Variants in ZNRF2 observed in about 807,000 individuals in gnomAD.
The protein encoded by ZNRF2 is E3 ubiquitin-protein ligase ZNRF2.
ZNRF2 carries 16 observed loss-of-function variants against 20.4 expected under a neutral mutation model. The ratio of observed to expected loss-of-function variants is 0.79; its 90% CI spans 0.53 to 1.19. ZNRF2 has a LOEUF of 1.19. Ranked by LOEUF, ZNRF2 falls within the 50% of genes most tolerant of loss-of-function variation. The pLI, the probability that ZNRF2 is intolerant of heterozygous loss-of-function variation, is 0.00. For synonymous variants in ZNRF2, 178 were observed against 144.9 expected (o/e 1.23, Z -1.64); for missense variants, 363 against 332.4 (o/e 1.09, Z -0.72).
In ZNRF2 at chr7:30,285,636, G is replaced by T; in HGVS notation, c.279G>T (p.Gly93=). ...GGGCCGTGGGGAGCGTGGCGTCGGG[G>T]GCCCGCGCGGCGCAGTCCCCCTTCA... The part of the protein sequence containing the change: ...LGGAVGSVAS[G]ARAAQSPFSI... Residue 93 remains glycine (G), a synonymous_variant, in exon 1 of 5, where the codon GGG becomes GGT. Transcript: ENST00000323037. The T allele has an allele frequency of 7.9e-7, 1 of 1,269,322 alleles. No individual in the cohort carries two copies. Among genetic ancestry groups the T allele is most frequent in the Non-Finnish European group, 9.9e-7 (1 of 1,011,274 alleles). The allele number at this position is 1,269,322 out of a possible 1,614,324, so 78.6% of individuals were successfully genotyped here. A position where few individuals can be genotyped will look rare whatever the true frequency, so the allele number is the denominator to read the frequency against.
At chr7:30,320,853 ATTT>A (rs898831995) in intron 1 of ZNRF2, among the ~76,000 whole-genome samples, 1 of 151,838 alleles carries the variant, frequency 6.6e-6, no homozygotes, top group African/African-American at 2.4e-5. Flanking sequence ...ACCATGATAC[ATTT>A]TTTTTCTTTT....
At chr7:30,343,378 C>G (rs527418553) in intron 2 of ZNRF2, among the ~76,000 whole-genome samples, 12 of 152,026 alleles carry the variant, frequency 7.9e-5, no homozygotes, top group African/African-American at 2.9e-4. Flanking sequence ...GACAGAGACC[C>G]TGTTTCAAAA....
chr7:30,347,309 A>G (rs776447728), intron 2 of ZNRF2, among the ~76,000 whole-genome samples: 3 of 152,170 alleles, frequency 2.0e-5, no homozygotes, highest in Non-Finnish European at 4.4e-5. Context: ...CACACGAAGA[A>G]TTTTTGTTTG....
At chr7:30,327,096 G>C (rs1328113591) in intron 2 of ZNRF2, among the ~76,000 whole-genome samples, 1 of 152,060 alleles carries the variant, frequency 6.6e-6, no homozygotes, top group African/African-American at 2.4e-5. Context: ...TGTTCACTTT[G>C]TTGATAGTTT....
intron 1 of ZNRF2, among the ~76,000 whole-genome samples, chr7:30,314,629 G>A (rs1799340027): frequency 6.6e-6 from 1 of 152,100 alleles, no homozygotes; most frequent in Non-Finnish European, 1.5e-5. Context: ...TTATTTTTAA[G>A]AGTGTGAATA....
chr7:30,357,588 G>T (rs1800060819), intron 3 of ZNRF2, among the ~76,000 whole-genome samples: 1 of 152,092 alleles, frequency 6.6e-6, no homozygotes, highest in Non-Finnish European at 1.5e-5. Flanking sequence ...AAAAAATAGT[G>T]AAGATCAGAG....
Position 30,323,632 on chromosome 7 carries a change from T to G in ZNRF2, c.470-10T>G, listed in dbSNP as rs759124073. On this transcript the variant is annotated splice_polypyrimidine_tract_variant and intron_variant, in intron 1 of 4. Transcript: ENST00000323037. ...ATAGTTAAGTAACTTGAGTTTCTTTTGTTTTTTAGGATTTAAGTGCCCTGT... is the reference window on the plus strand; with the variant it reads ...ATAGTTAAGTAACTTGAGTTTCTTTGGTTTTTTAGGATTTAAGTGCCCTGT... 1.3e-6 allele frequency: 2 copies of G among 1,557,214 alleles called. No homozygotes were observed. Among genetic ancestry groups the G allele is most frequent in the East Asian group, 4.6e-5 (2 of 43,902 alleles).
chr7:30,360,507 G>A (rs1800109794), intron 3 of ZNRF2, among the ~76,000 whole-genome samples: 1 of 151,548 alleles, frequency 6.6e-6, no homozygotes, highest in Non-Finnish European at 1.5e-5. Flanking sequence ...GACCAACATG[G>A]TGAAACCTTG....
intron 2 of ZNRF2, among the ~76,000 whole-genome samples, chr7:30,333,017 T>C (rs1453290278): frequency 1.3e-5 from 2 of 152,132 alleles, no homozygotes; most frequent in East Asian, 1.9e-4. Context: ...AGTGTTGCCT[T>C]TGCTCCATAT....
intron 2 of ZNRF2, among the ~76,000 whole-genome samples, chr7:30,335,623 A>G (rs145282100): frequency 0.03 from 4,592 of 152,158 alleles, 171 homozygotes; most frequent in African/African-American, 0.09. Context: ...TCTTGAAAGG[A>G]TGAAGAAGAT....
intron 1 of ZNRF2, among the ~76,000 whole-genome samples, chr7:30,288,187 TACTTA>T (rs1223861402): frequency 6.6e-6 from 1 of 152,226 alleles, no homozygotes; most frequent in African/African-American, 2.4e-5. Flanking sequence ...AGTTCACATT[TACTTA>T]ACTTTTTAGT....
chr7:30,288,050 G>A (rs1798826208), intron 1 of ZNRF2, among the ~76,000 whole-genome samples: 1 of 152,170 alleles, frequency 6.6e-6, no homozygotes, highest in Admixed American at 6.5e-5. Flanking sequence ...TAGTGGCATT[G>A]CCTTACTGAG....
chr7:30,366,602 C>CA lies in ZNRF2; in HGVS notation c.*590_*591insA, dbSNP rs1800218988. 6.6e-6 allele frequency: 1 copy of CA among 152,428 alleles called. No homozygotes were observed. Among genetic ancestry groups the CA allele is most frequent in the African/African-American group, 2.4e-5 (1 of 41,426 alleles). The allele number at this position is 152,428 out of a possible 1,614,324, so 9.4% of individuals were successfully genotyped here. On this transcript the variant is annotated 3_prime_UTR_variant, in exon 5 of 5. Coordinates refer to ENST00000323037, the MANE Select transcript of ZNRF2 (RefSeq NM_147128.4). ...ATGATCTCAAGTTCTTCCATTTTCT[C>CA]CCCCACGAGTGGAAAATAGACTTCT...
intron 3 of ZNRF2, among the ~76,000 whole-genome samples, chr7:30,361,995 C>T (rs976473396): frequency 5.9e-5 from 9 of 151,986 alleles, no homozygotes; most frequent in African/African-American, 1.2e-4. Flanking sequence ...ATTTAAAAGC[C>T]GTTTTTTAAT....
intron 2 of ZNRF2, among the ~76,000 whole-genome samples, chr7:30,346,549 A>AT (rs1005529128): frequency 2.7e-4 from 41 of 151,008 alleles, no homozygotes; most frequent in African/African-American, 6.8e-4. Flanking sequence ...TTGTCTCACT[A>AT]TTTTTTTTTA....
At chr7:30,335,991 C>T (rs993180453) in intron 2 of ZNRF2, among the ~76,000 whole-genome samples, 2 of 152,058 alleles carry the variant, frequency 1.3e-5, no homozygotes, top group Middle Eastern at 3.2e-3. Context: ...TGACTCAATT[C>T]AGGGGTAAAG....
In ZNRF2 at chr7:30,285,346, G is replaced by A. The variant is rs1277886249; in HGVS notation, c.-12G>A. 27 of 1,146,372 alleles carry A rather than the reference G, an allele frequency of 2.4e-5. No individual in the cohort carries two copies. The highest frequency in any genetic ancestry group is 5.1e-5 in the African/African-American group (3 of 59,380). The allele number at this position is 1,146,372 out of a possible 1,614,324, so 71.0% of individuals were successfully genotyped here. On this transcript the variant is annotated 5_prime_UTR_variant, in exon 1 of 5. Coordinates refer to ENST00000323037, the MANE Select transcript of ZNRF2 (RefSeq NM_147128.4). ...GGCGCAGCGCGCGGGCCCGGCCCGG[G>A]GCAGGGCGGACATGGGCGCCAAACA...
intron 1 of ZNRF2, among the ~76,000 whole-genome samples, chr7:30,306,624 A>G (rs1254923962): frequency 6.6e-6 from 1 of 152,172 alleles, no homozygotes; most frequent in African/African-American, 2.4e-5. Context: ...ATGGATAAAC[A>G]TAGATAATTT....
chr7:30,325,135 G>GA (rs1197919934), intron 2 of ZNRF2, among the ~76,000 whole-genome samples: 2 of 152,058 alleles, frequency 1.3e-5, no homozygotes, highest in Non-Finnish European at 2.9e-5. Flanking sequence ...ACTTGGGGGG[G>GA]AAAAATCAAG....
Sources: gnomAD v4.1 joint callset for allele counts (sites outside exome capture counted in the v4.1 genomes callset) on GRCh38, gnomAD v4.1.1 for gene constraint, MANE v1.5 for transcripts, NCBI Gene and HGNC (gene_info 2026-07-23, HGNC 2026-07-21) for gene names.